The following CD207 variants were observed in gnomAD, a reference collection of about 807,000 sequenced individuals.
The protein encoded by CD207 is C-type lectin domain family 4 member K.
Under a neutral mutation model 31.6 loss-of-function variants are expected in CD207, and 28 were observed. That is an observed-to-expected ratio of 0.89 (90% CI 0.66 to 1.21). CD207 has a LOEUF of 1.21. Among genes scored for constraint, CD207 ranks in the 50% most tolerant of loss-of-function variants. The pLI is 0.00. For synonymous variants in CD207, 168 were observed against 153.9 expected, an observed-to-expected ratio of 1.09 and a Z score of -0.68; for missense variants, 388 against 397.8, an observed-to-expected ratio of 0.98 and a Z score of 0.21.
downstream of CD207, among the ~76,000 whole-genome samples, chr2:70,826,103 G>T (rs1553398863): frequency 2.0e-5 from 3 of 152,106 alleles, no homozygotes; most frequent in Admixed American, 2.0e-4. Flanking sequence ...AGCTGTGATT[G>T]TGCCACTGTA....
chr2:70,824,420 A>G, the CD207 span, among the ~76,000 whole-genome samples: 1 of 152,050 alleles, frequency 6.6e-6, no homozygotes, highest in Non-Finnish European at 1.5e-5. Context: ...AATATTACTT[A>G]GCTCTCTCAG....
chr2:70,834,449 GT>G (rs1677556055), intron 2 of CD207, among the ~76,000 whole-genome samples: 1 of 151,920 alleles, frequency 6.6e-6, no homozygotes, highest in Non-Finnish European at 1.5e-5. Context: ...AACCCCTGCA[GT>G]GGCCATCTGC....
At chr2:70,831,910 C>G in intron 4 of CD207, 91 bp from the exon 5 acceptor site, 2 of 832,432 alleles carry the variant, frequency 2.4e-6, no homozygotes, top group South Asian at 1.4e-5. Context: ...TCAGTGACAG[C>G]CCTGACCCAC....
At chr2:70,834,102 G>T in intron 2 of CD207, 82 bp from the exon 3 acceptor site, 2 of 1,306,818 alleles carry the variant, frequency 1.5e-6, no homozygotes, top group South Asian at 2.0e-5. Context: ...ATCAAAGGAA[G>T]GGAAGGAATA....
intron 2 of CD207, among the ~76,000 whole-genome samples, chr2:70,834,257 C>T (rs760081403): frequency 6.6e-6 from 1 of 152,036 alleles, no homozygotes; most frequent in Non-Finnish European, 1.5e-5. Context: ...ATTGATAAAA[C>T]ACAGGCTCTC....
rs567546839 is a variant in CD207, at chr2:70,833,696, C to T, written c.515G>A (p.Arg172Gln). ...ATTCTCCAAGCTGCCCTGGAGTGCC[C>T]GGATCTTTGTATTTAAAGCACTGGC... ...EKASALNTKI[R>Q]ALQGSLENMS... is the part of the protein sequence containing the mutation. Residue 172 changes from arginine to glutamine, a missense_variant, in exon 3 of 6, where the codon CGG becomes CAG. By Grantham distance (43) the Arg-to-Gln change is conservative. Transcript: ENST00000410009. The T allele has an allele frequency of 1.7e-4, 272 of 1,613,920 alleles. 3 individuals are homozygous for T. The South Asian group carries it at 1.9e-3, about 11-fold the overall frequency.
At chr2:70,824,554 G>C in the CD207 span, among the ~76,000 whole-genome samples, 196 of 140,132 alleles carry the variant, frequency 1.4e-3, no homozygotes, top group African/African-American at 5.0e-3. Context: ...CTAGAACTGG[G>C]GCAGGAAATA....
chr2:70,835,715 A>G lies in CD207; in HGVS notation c.62T>C (p.Leu21Pro). 6.2e-7 allele frequency: 1 copy of G among 1,613,354 alleles called. No individual in the cohort carries two copies. Among genetic ancestry groups the G allele is most frequent in the Non-Finnish European group, 8.5e-7 (1 of 1,179,672 alleles). The change falls in exon 1 of 6, where the codon CTC becomes CCC. Residue 21 changes from leucine (L) to proline (P), a missense_variant. Physicochemically the swap from Leu to Pro is moderately conservative, Grantham distance 98. Coordinates refer to ENST00000410009, the MANE Select transcript of CD207 (RefSeq NM_015717.5). ...HFTVDKQNIS[L>P]WPREPPPKSG... ...GCGATGTGGCTTGCCTCGGGGCCAG[A>G]GGGAGATGTTCTGTTTGTCCACAGT...
At chr2:70,829,609 G>T (rs1548892), downstream of CD207, among the ~76,000 whole-genome samples, 14 of 151,986 alleles carry the variant, frequency 9.2e-5, no homozygotes, top group East Asian at 1.9e-4. Context: ...TCTGGTGAGA[G>T]GCAGGGAACT....
chr2:70,831,261 C>A, intron 5 of CD207, 61 bp from the exon 6 acceptor site: 1 of 1,527,460 alleles, frequency 6.5e-7, no homozygotes, highest in South Asian at 1.2e-5. Context: ...AACTTATTTC[C>A]AGTGAAGAAA....
chr2:70,833,901 C>T lies in CD207; in HGVS notation c.310G>A (p.Ala104Thr). The T allele has an allele frequency of 1.2e-6, 2 of 1,605,490 alleles. 1 individual carries two copies. The highest frequency in any genetic ancestry group is 2.2e-5 in the South Asian group (2 of 90,020). Reference protein sequence around the residue: ...EIKKNSDGMEAAGVQIQMVNE... With the variant: ...EIKKNSDGMETAGVQIQMVNE... ...ACCATCTGGATCTGAACGCCAGCTGCCTCCATGCCGTCACTATTCTTTTTA... is the reference window on the plus strand; with the variant it reads ...ACCATCTGGATCTGAACGCCAGCTGTCTCCATGCCGTCACTATTCTTTTTA... The change falls in exon 3 of 6, where the codon GCA becomes ACA. Residue 104 changes from alanine to threonine, a missense_variant. Coordinates refer to ENST00000410009, the MANE Select transcript of CD207 (RefSeq NM_015717.5).
chr2:70,828,721 A>C (rs1677401756), downstream of CD207, among the ~76,000 whole-genome samples: 1 of 152,106 alleles, frequency 6.6e-6, no homozygotes, highest in Non-Finnish European at 1.5e-5. Flanking sequence ...GCTGGAGTGC[A>C]GTGGTGGGAT....
chr2:70,830,888 T>G lies in CD207; in HGVS notation c.*162A>C. On this transcript the variant is annotated 3_prime_UTR_variant, in exon 6 of 6. Transcript: ENST00000410009. ...CAGCTGCCTCCAAGACGTCAGAGAA[T>G]TTCCAGCCAAGACAGACGGACTCCA... The G allele has an allele frequency of 1.7e-6, 1 of 589,088 alleles. No individual in the cohort carries two copies. The highest frequency in any genetic ancestry group is 3.1e-5 in the Admixed American group (1 of 32,074). The allele number at this position is 589,088 out of a possible 1,614,324, so 36.5% of individuals were successfully genotyped here.
At position 70,832,978 on chromosome 2, in the gene CD207, T is replaced by C. The variant is rs782515098; in HGVS notation, c.639A>G (p.Pro213=). Residue 213 remains proline (P), a synonymous_variant, in exon 4 of 6, where the codon CCA becomes CCG. Coordinates refer to ENST00000410009, the MANE Select transcript of CD207 (RefSeq NM_015717.5). ...ACTGCTCGGCACTATACCAGGTCTT[T>C]GGAATGAGAGAAAAGTAATAGAAGT... is the stretch of plus-strand genomic sequence containing the variant. ...KGNFYYFSLI[P]KTWYSAEQFC... 1.2e-6 allele frequency: 2 copies of C among 1,613,982 alleles called. No individual in the cohort carries two copies. The highest frequency in any genetic ancestry group is 1.7e-6 in the Non-Finnish European group (2 of 1,179,864).
chr2:70,825,715 T>A (rs1364786704), downstream of CD207, among the ~76,000 whole-genome samples: 6 of 150,312 alleles, frequency 4.0e-5, no homozygotes, highest in African/African-American at 1.2e-4. Context: ...AGTTTTGTAT[T>A]TTTTTTTTAG....
chr2:70,824,804 A>G, the CD207 span, among the ~76,000 whole-genome samples: 2 of 152,212 alleles, frequency 1.3e-5, no homozygotes, highest in East Asian at 3.8e-4. Context: ...CCATACTGAC[A>G]TAAATGAATG....
In CD207 at chr2:70,832,939, C is replaced by T. The variant is rs782697700; in HGVS notation, c.678G>A (p.Arg226=). Residue 226 remains arginine, a synonymous_variant, in exon 4 of 6, where the codon AGG becomes AGA. Coordinates refer to ENST00000410009, the MANE Select transcript of CD207 (RefSeq NM_015717.5). ...WYSAEQFCVS[R]NSHLTSVTSE... is the part of the protein sequence containing the mutation. ...AGGTCACCGAGGTCAGGTGTGAATT[C>T]CTGGACACACAGAACTGCTCGGCAC... The T allele has an allele frequency of 1.2e-6, 2 of 1,613,862 alleles. No individual in the cohort carries two copies. Among genetic ancestry groups the T allele is most frequent in the Non-Finnish European group, 1.7e-6 (2 of 1,179,872 alleles).
Position 70,835,546 on chromosome 2 carries a change from T to C in CD207, c.135A>G (p.Ala45=), listed in dbSNP as rs781823291. The C allele has an allele frequency of 3.7e-6, 6 of 1,613,970 alleles. No individual in the cohort carries two copies. Among genetic ancestry groups the C allele is most frequent in the Non-Finnish European group, 5.1e-6 (6 of 1,179,898 alleles). ...VPGKTPTVRA[A]LICLTLVLVA... ...CCAGGACCAGCGTCAGGCAGATTAA[T>C]GCAGCACGGACTGTGGGTGTTTTCC... The change falls in exon 2 of 6, where the codon GCA becomes GCG. Residue 45 remains alanine, a synonymous_variant. Coordinates refer to ENST00000410009, the MANE Select transcript of CD207 (RefSeq NM_015717.5).
Position 70,835,748 on chromosome 2 carries a change from G to C in CD207, c.29C>G (p.Ala10Gly). The C allele has an allele frequency of 6.2e-7, 1 of 1,612,496 alleles. No homozygotes were observed. Among genetic ancestry groups the C allele is most frequent in the African/African-American group, 1.3e-5 (1 of 75,008 alleles). Residue 10 changes from alanine to glycine, a missense_variant, in exon 1 of 6, where the codon GCG (alanine) becomes GGG (glycine). Physicochemically the swap from Ala to Gly is moderately conservative, Grantham distance 60. Transcript: ENST00000410009. The stretch of plus-strand genomic sequence containing the variant: ...GTTCTGTTTGTCCACAGTGAAGTGC[G>C]CATCAGGGGCCTCCTTCTCCACAGT... MTVEKEAPD[A>G]HFTVDKQNIS... is the part of the protein sequence containing the mutation.
Sources: gnomAD v4.1 joint callset for allele counts (sites outside exome capture counted in the v4.1 genomes callset) on GRCh38, gnomAD v4.1.1 for gene constraint, MANE v1.5 for transcripts, NCBI Gene and HGNC (gene_info 2026-07-23, HGNC 2026-07-21) for gene names.